The following PDCD1 variants were observed in gnomAD, a reference collection of about 807,000 sequenced individuals.
PDCD1 encodes programmed cell death protein 1.
A neutral mutation model predicts 23.6 loss-of-function variants in PDCD1; 10 were observed. The ratio of observed to expected loss-of-function variants is 0.42; its 90% CI spans 0.26 to 0.72. The LOEUF (loss-of-function observed/expected upper bound fraction) is 0.72. PDCD1 is among the 30% of genes least tolerant of loss of function. The probability of loss-of-function intolerance (pLI) is 0.24; values close to 1 mark genes in which losing one functional copy is unlikely to be tolerated. For missense variants in PDCD1, 313 were observed against 397.8 expected, an observed-to-expected ratio of 0.79 and a Z score of 1.81; for synonymous variants, 168 against 169.3, an observed-to-expected ratio of 0.99 and a Z score of 0.06.
Position 241,851,987 on chromosome 2 carries a change from C to T in PDCD1, c.593-4G>A. The T allele has an allele frequency of 6.2e-7, 1 of 1,612,630 alleles. No homozygotes were observed. Among genetic ancestry groups the T allele is most frequent in the African/African-American group, 1.3e-5 (1 of 74,834 alleles). On this transcript the variant is annotated splice_region_variant and splice_polypyrimidine_tract_variant and intron_variant, in intron 3 of 4. Transcript: ENST00000334409. ...GTGCGCCTGGCTCCTATTGTCCCTG[C>T]AGAGAAACACACTTGGGGTCACCAG...
Position 241,851,120 on chromosome 2 carries a change from C to A in PDCD1, c.805G>T (p.Asp269Tyr). The change falls in exon 5 of 5, where the codon GAC (aspartate) becomes TAC (tyrosine). Residue 269 changes from aspartate to tyrosine, a missense_variant. Coordinates refer to ENST00000334409, the MANE Select transcript of PDCD1 (RefSeq NM_005018.3). ...TSSPARRGSA[D>Y]GPRSAQPLRP... is the part of the protein sequence containing the mutation. Reference sequence around the variant, plus strand: ...AGTGGCTGGGCACTCCGAGGGCCGTCAGCTGAGCCCCTGCGGGCGGGGGAT... The same window carrying A: ...AGTGGCTGGGCACTCCGAGGGCCGTAAGCTGAGCCCCTGCGGGCGGGGGAT... The A allele has an allele frequency of 6.2e-7, 1 of 1,613,282 alleles. No individual in the cohort carries two copies. Among genetic ancestry groups the A allele is most frequent in the Non-Finnish European group, 8.5e-7 (1 of 1,179,938 alleles).
At chr2:241,855,890 G>A (rs1414482304) in intron 1 of PDCD1, among the ~76,000 whole-genome samples, 3 of 152,170 alleles carry the variant, frequency 2.0e-5, no homozygotes, top group Admixed American at 6.5e-5. Flanking sequence ...GCTGTGGGCC[G>A]AACCGTGTCC....
At chr2:241,852,567 C>T in intron 2 of PDCD1, 54 bp downstream of exon 2, 1 of 1,578,892 alleles carries the variant, frequency 6.3e-7, no homozygotes. Flanking sequence ...GGAGGGGACA[C>T]CCACCCCAGG....
chr2:241,851,641 G>T (rs1700904723), intron 4 of PDCD1, among the ~76,000 whole-genome samples: 1 of 151,796 alleles, frequency 6.6e-6, no homozygotes, highest in Admixed American at 6.6e-5. Context: ...CCTGGAGACC[G>T]CAGGCAGGCA....
chr2:241,850,446 A>G lies in PDCD1; in HGVS notation c.*612T>C. ...GCTGCCTGGGCATGTGTAAAGGTGGAGGGGTTTCCTGCCCTGCCCACCACA... is the reference window on the plus strand; with the variant it reads ...GCTGCCTGGGCATGTGTAAAGGTGGGGGGGTTTCCTGCCCTGCCCACCACA... On this transcript the variant is annotated 3_prime_UTR_variant, in exon 5 of 5. Transcript: ENST00000334409. The G allele has an allele frequency of 4.0e-6, 1 of 249,572 alleles. No individual in the cohort carries two copies. The highest frequency in any genetic ancestry group is 1.4e-4 in the South Asian group (1 of 7,280). 15.5% of individuals were successfully genotyped at this position (249,572 alleles called of 1,614,324 possible).
At chr2:241,854,585 C>T (rs899638100) in intron 1 of PDCD1, among the ~76,000 whole-genome samples, 6 of 152,144 alleles carry the variant, frequency 3.9e-5, no homozygotes, top group Admixed American at 1.3e-4. Context: ...CAAGAGGGCT[C>T]CTGGGAGGCA....
chr2:241,850,165 G>C lies in PDCD1; in HGVS notation c.*893C>G. 1 of 232,702 alleles carries C rather than the reference G, an allele frequency of 4.3e-6. No individual in the cohort carries two copies. The highest frequency in any genetic ancestry group is 5.6e-5 in the Admixed American group (1 of 17,758). 14.4% of individuals were successfully genotyped at this position (232,702 alleles called of 1,614,324 possible). ...GGTTCCAAGGAGAGCTCCCAGGGTGGGCACATGGGGGGCCCTAGGTGCCTG... is the reference window on the plus strand; with the variant it reads ...GGTTCCAAGGAGAGCTCCCAGGGTGCGCACATGGGGGGCCCTAGGTGCCTG... On this transcript the variant is annotated 3_prime_UTR_variant, in exon 5 of 5. Coordinates refer to ENST00000334409, the MANE Select transcript of PDCD1 (RefSeq NM_005018.3).
At chr2:241,855,639 G>A (rs1014969428) in intron 1 of PDCD1, among the ~76,000 whole-genome samples, 6 of 152,202 alleles carry the variant, frequency 3.9e-5, no homozygotes, top group Non-Finnish European at 7.3e-5. Context: ...CAGAGAGACC[G>A]CATTACAGGA....
At chr2:241,857,017 C>T (rs1701041262) in intron 1 of PDCD1, among the ~76,000 whole-genome samples, 1 of 152,228 alleles carries the variant, frequency 6.6e-6, no homozygotes, top group Middle Eastern at 3.2e-3. Flanking sequence ...CACAGTGGTC[C>T]CACGCCAAAG....
chr2:241,857,011 G>A (rs1646209603), intron 1 of PDCD1, among the ~76,000 whole-genome samples: 1 of 152,236 alleles, frequency 6.6e-6, no homozygotes, highest in Admixed American at 6.5e-5. Flanking sequence ...GGAGCTCACA[G>A]TGGTCCCACG....
At chr2:241,853,226 T>A (rs1046247905) in intron 1 of PDCD1, among the ~76,000 whole-genome samples, 2 of 152,194 alleles carry the variant, frequency 1.3e-5, no homozygotes, top group African/African-American at 2.4e-5. Context: ...TCTCCCTGAT[T>A]TCCTACTAAG....
rs1700871461 is a variant in PDCD1 at position 241,850,106 on chromosome 2, GC to G, written c.*951del. ...CCTTCCCACCCAGGCCCTGGTGGGA[GC>G]CCGGCCAACCCCTTTAAATAATTTC... is the stretch of plus-strand genomic sequence containing the variant. On this transcript the variant is annotated 3_prime_UTR_variant, in exon 5 of 5. Coordinates refer to ENST00000334409, the MANE Select transcript of PDCD1 (RefSeq NM_005018.3). The G allele has an allele frequency of 4.4e-6, 1 of 228,736 alleles. No individual in the cohort carries two copies. Among genetic ancestry groups the G allele is most frequent in the South Asian group, 1.8e-4 (1 of 5,498 alleles). 14.2% of individuals were successfully genotyped at this position (228,736 alleles called of 1,614,324 possible).
chr2:241,850,792 C>T lies in PDCD1; in HGVS notation c.*266G>A, dbSNP rs1256476230. The T allele has an allele frequency of 7.9e-6, 5 of 632,320 alleles. No homozygotes were observed. The highest frequency in any genetic ancestry group is 1.1e-5 in the Non-Finnish European group (4 of 351,350). The allele number at this position is 632,320 out of a possible 1,614,324, so 39.2% of individuals were successfully genotyped here. ...CTGGACGCAGGCAGCTCTGTGCTGG[C>T]AGGACCTGAAGCAGTGACTGCATCT... On this transcript the variant is annotated 3_prime_UTR_variant, in exon 5 of 5. Transcript: ENST00000334409.
At position 241,851,331 on chromosome 2, in the gene PDCD1, C is replaced by T. The variant is rs55855640; in HGVS notation, c.628-34G>A. The T allele has an allele frequency of 1.4e-3, 2,192 of 1,568,644 alleles. 12 individuals carry two copies. Among genetic ancestry groups the T allele is most frequent in the Middle Eastern group, 1.9e-3 (11 of 5,812 alleles). ...AGAAAGGGAGAGGGAGTCAGCCCCA[C>T]GGCCCACCGCAGGAAGGAGGCCCGC... On this transcript the variant is annotated intron_variant, in intron 4 of 4. Coordinates refer to ENST00000334409, the MANE Select transcript of PDCD1 (RefSeq NM_005018.3).
At chr2:241,856,296 C>T (rs913657942) in intron 1 of PDCD1, among the ~76,000 whole-genome samples, 7 of 152,186 alleles carry the variant, frequency 4.6e-5, no homozygotes, top group Admixed American at 6.5e-5. Flanking sequence ...CCCTGCGGAG[C>T]TCCATCCTGC....
rs764852072 is a variant in PDCD1 at position 241,852,642 on chromosome 2, G to A, written c.415C>T (p.Arg139Trp). Residue 139 changes from arginine to tryptophan, a missense_variant, in exon 2 of 5, where the codon CGG becomes TGG. Coordinates refer to ENST00000334409, the MANE Select transcript of PDCD1 (RefSeq NM_005018.3). ...APKAQIKESL[R>W]AELRVTERRA... ...GCACCTGTCACCCTGAGCTCTGCCC[G>A]CAGGCTCTCTTTGATCTGCGCCTTG... 10 of 1,612,172 alleles carry A rather than the reference G, an allele frequency of 6.2e-6. No homozygotes were observed. Among genetic ancestry groups the A allele is most frequent in the Admixed American group, 1.7e-5 (1 of 60,008 alleles).
chr2:241,850,871 T>G lies in PDCD1; in HGVS notation c.*187A>C. The G allele has an allele frequency of 1.4e-6, 1 of 701,100 alleles. No homozygotes were observed. The highest frequency in any genetic ancestry group is 2.4e-6 in the Non-Finnish European group (1 of 423,094). The allele number at this position is 701,100 out of a possible 1,614,324, so 43.4% of individuals were successfully genotyped here. Reference sequence around the variant, plus strand: ...TGCTGCCTGGGCTCACTGTGGGCATTGAGACATGAGTCCTGTGGTGGGGCT... The same window carrying G: ...TGCTGCCTGGGCTCACTGTGGGCATGGAGACATGAGTCCTGTGGTGGGGCT... On this transcript the variant is annotated 3_prime_UTR_variant, in exon 5 of 5. Transcript: ENST00000334409.
rs190569165 is a variant in PDCD1 at position 241,851,356 on chromosome 2, C to A, written c.628-59G>T. ...CGGCCCACCGCAGGAAGGAGGCCCG[C>A]GGCTCCACAGCCTGGCTGCAGTACC... On this transcript the variant is annotated intron_variant, in intron 4 of 4. Coordinates refer to ENST00000334409, the MANE Select transcript of PDCD1 (RefSeq NM_005018.3). 5.9e-5 allele frequency: 91 copies of A among 1,539,338 alleles called. 1 individual carries two copies. In the South Asian group the frequency reaches 1.0e-3, roughly 18 times the overall value.
Position 241,852,826 on chromosome 2 carries a change from G to C in PDCD1, c.231C>G (p.Asp77Glu), listed in dbSNP as rs1485118790. Residue 77 changes from aspartate to glutamate, a missense_variant, in exon 2 of 5, where the codon GAC becomes GAG. By Grantham distance (45) the Asp-to-Glu change is conservative (BLOSUM62 2). Transcript: ENST00000334409. The stretch of plus-strand genomic sequence containing the variant: ...GGTCCTCGGGGAAGGCGGCCAGCTT[G>C]TCCGTCTGGTTGCTGGGGCTCATGC... ...WYRMSPSNQTDKLAAFPEDRS... is the reference protein window; with the variant it reads ...WYRMSPSNQTEKLAAFPEDRS... 2 of 1,612,032 alleles carry C rather than the reference G, an allele frequency of 1.2e-6. No individual in the cohort carries two copies. Among genetic ancestry groups the C allele is most frequent in the Non-Finnish European group, 1.7e-6 (2 of 1,180,014 alleles).
Sources: allele counts gnomAD v4.1 joint callset (sites outside exome capture counted in the v4.1 genomes callset), GRCh38; gene constraint gnomAD v4.1.1; transcripts MANE v1.5; gene names NCBI Gene and HGNC (gene_info 2026-07-23, HGNC 2026-07-21).